CLVS1: variants seen among roughly 807,000 people sequenced by gnomAD.
The protein encoded by CLVS1 is clavesin 1, also known as clavesin-1.
CLVS1 carries 10 observed loss-of-function variants against 33.1 expected under a neutral mutation model. The observed-to-expected ratio is 0.30, with a 90% CI of 0.19 to 0.51. The LOEUF is 0.51. CLVS1 is among the 20% of genes least tolerant of loss of function. The probability of loss-of-function intolerance (pLI) is 0.97; values close to 1 mark genes in which losing one functional copy is unlikely to be tolerated. For synonymous variants in CLVS1, 163 were observed against 166.1 expected (o/e 0.98, Z 0.14); for missense variants, 343 against 433.4 (o/e 0.79, Z 1.85).
At chr8:61,402,279 C>CA (rs940904096) in intron 3 of CLVS1, among the ~76,000 whole-genome samples, 271 of 149,398 alleles carry the variant, frequency 1.8e-3, no homozygotes, top group Non-Finnish European at 3.1e-3. Flanking sequence ...GCATGTCAAG[C>CA]AAAAAAAAAG....
intron 1 of CLVS1, among the ~76,000 whole-genome samples, chr8:61,083,914 T>C (rs1805071936): frequency 6.6e-6 from 1 of 152,252 alleles, no homozygotes; most frequent in South Asian, 2.1e-4. Flanking sequence ...GTACATTTAC[T>C]ATATTCTGGT....
chr8:61,004,822 C>T, the CLVS1 span, among the ~76,000 whole-genome samples: 810 of 152,318 alleles, frequency 5.3e-3, 4 homozygotes, highest in Non-Finnish European at 9.0e-3. Flanking sequence ...CCAAATAAAG[C>T]TTCCCCTTTC....
chr8:60,974,294 C>A, the CLVS1 span, among the ~76,000 whole-genome samples: 1 of 152,196 alleles, frequency 6.6e-6, no homozygotes, highest in African/African-American at 2.4e-5. Flanking sequence ...TTGTGAAGCC[C>A]TGGTGGAGCT....
intron 3 of CLVS1, among the ~76,000 whole-genome samples, chr8:61,439,970 G>A (rs1486657748): frequency 6.6e-6 from 1 of 152,158 alleles, no homozygotes; most frequent in African/African-American, 2.4e-5. Flanking sequence ...TCTGCCGTCT[G>A]CAGGACATTC....
intron 2 of CLVS1, among the ~76,000 whole-genome samples, chr8:61,359,387 G>A (rs1812875451): frequency 2.6e-5 from 4 of 151,266 alleles, no homozygotes; most frequent in African/African-American, 7.3e-5. Context: ...ACAGAGTCTT[G>A]CTGCGACCCC....
At chr8:61,184,601 C>T (rs774413453) in intron 2 of CLVS1, among the ~76,000 whole-genome samples, 28 of 152,110 alleles carry the variant, frequency 1.8e-4, no homozygotes, top group Non-Finnish European at 2.8e-4. Flanking sequence ...GGATCAGCTG[C>T]CTAGAGAGAA....
At chr8:61,338,131 G>A (rs73682259) in intron 2 of CLVS1, among the ~76,000 whole-genome samples, 5,029 of 152,148 alleles carry the variant, frequency 0.033, 283 homozygotes, top group African/African-American at 0.11. Context: ...GGAGCCCAGC[G>A]CGATCCATCT....
intron 2 of CLVS1, among the ~76,000 whole-genome samples, chr8:61,319,278 CA>C (rs2129596095): frequency 6.6e-6 from 1 of 152,252 alleles, no homozygotes; most frequent in Non-Finnish European, 1.5e-5. Flanking sequence ...ATTCTGTACC[CA>C]TTTTTATATT....
At chr8:60,971,198 T>C in the CLVS1 span, among the ~76,000 whole-genome samples, 3 of 151,446 alleles carry the variant, frequency 2.0e-5, no homozygotes, top group Non-Finnish European at 4.4e-5. Flanking sequence ...CACCTCAGCC[T>C]TGCGAGTAGC....
chr8:61,249,677 G>T (rs1194035782), intron 2 of CLVS1, among the ~76,000 whole-genome samples: 1 of 152,148 alleles, frequency 6.6e-6, no homozygotes, highest in African/African-American at 2.4e-5. Flanking sequence ...ACCAGTGATG[G>T]TGAGCATTTT....
At chr8:60,969,033 T>C in the CLVS1 span, among the ~76,000 whole-genome samples, 1 of 152,184 alleles carries the variant, frequency 6.6e-6, no homozygotes, top group East Asian at 1.9e-4. Flanking sequence ...CATGTTCACC[T>C]TGTGGTGGAG....
rs77434329 is a variant in CLVS1, at chr8:61,393,178, G to A, written c.630+16399G>A. On this transcript the variant is annotated intron_variant, in intron 3 of 5. Coordinates refer to ENST00000325897, the MANE Select transcript of CLVS1 (RefSeq NM_173519.3). ...ATTACAGGCATGAGCCACCACACCC[G>A]GCTGAATTCTATTGTTGAAACTTTC... Among the ~76,000 whole-genome samples the A allele has an allele frequency of 0.011, 1,661 of 152,108 alleles. 88 individuals are homozygous for A. The East Asian group carries it at 0.18, about 17-fold the overall frequency.
intron 3 of CLVS1, among the ~76,000 whole-genome samples, chr8:61,441,931 C>A (rs1248256695): frequency 6.6e-6 from 1 of 152,122 alleles, no homozygotes; most frequent in Non-Finnish European, 1.5e-5. Context: ...GTATCTTGTG[C>A]CTCGCAATTT....
intron 3 of CLVS1, among the ~76,000 whole-genome samples, chr8:61,441,102 T>C (rs1816525688): frequency 6.6e-6 from 1 of 152,232 alleles, no homozygotes; most frequent in African/African-American, 2.4e-5. Flanking sequence ...GAAGACTCTT[T>C]TGCATCGATG....
At chr8:61,150,137 G>A (rs1806500005) in intron 2 of CLVS1, among the ~76,000 whole-genome samples, 1 of 60,408 alleles carries the variant, frequency 1.7e-5, no homozygotes, top group African/African-American at 5.2e-5. Flanking sequence ...TGACTCTCCT[G>A]CAAGGGGATG....
intron 3 of CLVS1, chr8:61,377,908 G>A (rs1198049795): frequency 1.1e-5 from 1 of 87,502 alleles, no homozygotes; most frequent in East Asian, 3.5e-4. Context: ...GTATTTGGGG[G>A]ACATTTGTAA....
intron 2 of CLVS1, among the ~76,000 whole-genome samples, chr8:61,178,065 G>A (rs1418332775): frequency 6.6e-6 from 1 of 152,096 alleles, no homozygotes; most frequent in Non-Finnish European, 1.5e-5. Context: ...AAAGGAACAT[G>A]CTCTAACTCA....
chr8:61,496,463 T>C (rs1039760323), intron 5 of CLVS1, among the ~76,000 whole-genome samples: 8 of 151,986 alleles, frequency 5.3e-5, no homozygotes. Context: ...CCTACACTTC[T>C]CCCTTCCCCA....
intron 2 of CLVS1, among the ~76,000 whole-genome samples, chr8:61,254,520 G>A (rs1370894209): frequency 6.6e-6 from 1 of 152,184 alleles, no homozygotes; most frequent in East Asian, 1.9e-4. Context: ...CCCCAGAAGT[G>A]GAGTCTACAG....
Sources: gnomAD v4.1 joint callset for allele counts (sites outside exome capture counted in the v4.1 genomes callset) on GRCh38, gnomAD v4.1.1 for gene constraint, MANE v1.5 for transcripts, NCBI Gene and HGNC (gene_info 2026-07-23, HGNC 2026-07-21) for gene names.